TMEM132B: variants seen among roughly 807,000 people sequenced by gnomAD.
TMEM132B encodes the protein transmembrane protein 132B.
A neutral mutation model predicts 90.8 loss-of-function variants in TMEM132B; 18 were observed. The ratio of observed to expected loss-of-function variants is 0.20; its 90% CI spans 0.14 to 0.29. The LOEUF (loss-of-function observed/expected upper bound fraction) is 0.29, where lower values mean the gene tolerates loss of function less well. TMEM132B is among the 10% of genes least tolerant of loss of function. The probability of loss-of-function intolerance (pLI) is 1.00; values close to 1 mark genes in which losing one functional copy is unlikely to be tolerated. For missense variants in TMEM132B, 1,096 were observed against 1,326.8 expected, an observed-to-expected ratio of 0.83 and a Z score of 2.70; for synonymous variants, 504 against 523.3, an observed-to-expected ratio of 0.96 and a Z score of 0.50.
rs369526420 is a variant in TMEM132B, at chr12:125,471,053, G to A, written c.1107-48386G>A. On this transcript the variant is annotated intron_variant, in intron 3 of 8. Coordinates refer to ENST00000682704, the MANE Select transcript of TMEM132B (RefSeq NM_001366854.1). ...CCGGGAGCTGGCCGGCGCCCATGTG[G>A]GGCTGTGCCTCAGCAACTGTGTTGA... Among the ~76,000 whole-genome samples the A allele has an allele frequency of 3.1e-4, 47 of 152,372 alleles. No homozygotes were observed. In the East Asian group the frequency reaches 5.2e-3, roughly 17 times the overall value.
Position 125,520,239 on chromosome 12 carries a change from A to C in TMEM132B, c.1293+614A>C, listed in dbSNP as rs566597975. Among the ~76,000 whole-genome samples the C allele has an allele frequency of 1.4e-4, 21 of 152,310 alleles. No homozygotes were observed. The South Asian group carries it at 4.3e-3, about 32-fold the overall frequency. On this transcript the variant is annotated intron_variant, in intron 4 of 8. Transcript: ENST00000682704. ...ACATCTGAGATCAGGGTCATGGGTGAGATTCCAGAGCCTAAATTCCAGAGA... is the reference window on the plus strand; with the variant it reads ...ACATCTGAGATCAGGGTCATGGGTGCGATTCCAGAGCCTAAATTCCAGAGA...
chr12:125,486,999 G>A (rs188448827), intron 3 of TMEM132B, among the ~76,000 whole-genome samples: 23 of 152,218 alleles, frequency 1.5e-4, no homozygotes, highest in Non-Finnish European at 3.1e-4. Flanking sequence ...AATTTGTTCC[G>A]AAACCATAAG....
intron 7 of TMEM132B, among the ~76,000 whole-genome samples, chr12:125,651,399 T>C (rs1465618812): frequency 1.3e-5 from 2 of 152,200 alleles, no homozygotes; most frequent in Non-Finnish European, 2.9e-5. Flanking sequence ...AATATAATAA[T>C]CCGTAGCTAT....
intron 1 of TMEM132B, among the ~76,000 whole-genome samples, chr12:125,265,604 T>G (rs1874672869): frequency 6.6e-6 from 1 of 152,192 alleles, no homozygotes; most frequent in Non-Finnish European, 1.5e-5. Flanking sequence ...TGACAACTTT[T>G]GCGAACTGAA....
rs1442411892 is a variant in TMEM132B at position 125,407,363 on chromosome 12, A to G, written c.960-8168A>G. Among the ~76,000 whole-genome samples, 4 of 152,228 alleles carry G rather than the reference A, an allele frequency of 2.6e-5. No homozygotes were observed. Among genetic ancestry groups the G allele is most frequent in the Admixed American group, 2.0e-4 (3 of 15,282 alleles). ...AACCCAAAACCCTGTAGAGTGGAGTATTTAGTTCAAAAGTGGCTGGTCTAA... is the reference window on the plus strand; with the variant it reads ...AACCCAAAACCCTGTAGAGTGGAGTGTTTAGTTCAAAAGTGGCTGGTCTAA... On this transcript the variant is annotated intron_variant, in intron 2 of 8. Coordinates refer to ENST00000682704, the MANE Select transcript of TMEM132B (RefSeq NM_001366854.1). The surrounding 1 kb of genome is among the most constrained non-coding windows in gnomAD (Gnocchi z 6.7).
chr12:125,231,199 G>A (rs1873813000), intron 1 of TMEM132B, among the ~76,000 whole-genome samples: 1 of 150,410 alleles, frequency 6.6e-6, no homozygotes, highest in African/African-American at 2.5e-5. Flanking sequence ...TCTTCACGTG[G>A]CTGTCTTCCG....
chr12:125,411,926 A>C (rs141459444), intron 2 of TMEM132B, among the ~76,000 whole-genome samples: 2 of 152,108 alleles, frequency 1.3e-5, no homozygotes, highest in East Asian at 1.9e-4. Flanking sequence ...CTAATGGTCA[A>C]CTTGTCTCAA....
rs770722311 is a variant in TMEM132B at position 125,349,274 on chromosome 12, T to G, written c.68-178T>G. Among the ~76,000 whole-genome samples, 194 of 152,278 alleles carry G rather than the reference T, an allele frequency of 1.3e-3. No homozygotes were observed. Among genetic ancestry groups the G allele is most frequent in the Non-Finnish European group, 2.3e-3 (158 of 68,024 alleles). ...TCCTCCCCACTCTGTGCTGTCTTTT[T>G]GGGAAGATCCTGAAGACCATACTTT... On this transcript the variant is annotated intron_variant, in intron 1 of 8. Transcript: ENST00000682704. The surrounding 1 kb of genome is among the most constrained non-coding windows in gnomAD (Gnocchi z 4.1).
intron 1 of TMEM132B, among the ~76,000 whole-genome samples, chr12:125,252,187 A>G (rs1472638344): frequency 6.6e-6 from 1 of 152,246 alleles, no homozygotes; most frequent in Non-Finnish European, 1.5e-5. Context: ...AAAGAAGCTC[A>G]GGGCAGAATG....
At chr12:125,343,069 G>A (rs191377612) in intron 1 of TMEM132B, among the ~76,000 whole-genome samples, 111 of 152,270 alleles carry the variant, frequency 7.3e-4, no homozygotes, top group African/African-American at 2.6e-3. Context: ...AAGGGATACA[G>A]CTGGAGGTAG....
chr12:125,456,134 A>G (rs1188563418), intron 3 of TMEM132B, among the ~76,000 whole-genome samples: 1 of 152,150 alleles, frequency 6.6e-6, no homozygotes, highest in Non-Finnish European at 1.5e-5. Context: ...CACCCATCCA[A>G]TTCCCGCTGG....
At chr12:125,419,069 T>A (rs1488141254) in intron 3 of TMEM132B, among the ~76,000 whole-genome samples, 3 of 152,186 alleles carry the variant, frequency 2.0e-5, no homozygotes, top group Admixed American at 2.0e-4. Context: ...AAACCGCAAC[T>A]TTTTATGTGG....
chr12:125,563,600 A>AACAAACAAACAAAC (rs1555258803), intron 4 of TMEM132B, among the ~76,000 whole-genome samples: 2 of 126,150 alleles, frequency 1.6e-5, no homozygotes, highest in Non-Finnish European at 3.7e-5. Context: ...CAAACAAACA[A>AACAAACAAACAAAC]AAAAAAACCC....
At chr12:125,218,462 G>C (rs1873487617) in intron 1 of TMEM132B, among the ~76,000 whole-genome samples, 1 of 152,018 alleles carries the variant, frequency 6.6e-6, no homozygotes, top group Non-Finnish European at 1.5e-5. Flanking sequence ...TTTTGTATCT[G>C]GCTTCTAGAT....
chr12:125,562,693 A>G (rs555330329), intron 4 of TMEM132B, among the ~76,000 whole-genome samples: 29 of 152,206 alleles, frequency 1.9e-4, no homozygotes, highest in African/African-American at 7.0e-4. Context: ...TTGAATCACT[A>G]CCCCATACTA....
At position 125,654,413 on chromosome 12, in the gene TMEM132B, G is replaced by T. The variant is rs774894861; in HGVS notation, c.2955G>T (p.Glu985Asp). The T allele has an allele frequency of 1.9e-6, 3 of 1,613,442 alleles. No homozygotes were observed. The highest frequency in any genetic ancestry group is 1.7e-6 in the Non-Finnish European group (2 of 1,180,010). The part of the protein sequence containing the change: ...TMIDRGLQFE[E>D]RNFLLNGSSQ... ...TAGACAGGGGCCTGCAGTTCGAGGA[G>T]AGGAACTTCCTTCTGAATGGCAGTT... The change falls in exon 9 of 9, where the codon GAG becomes GAT. Residue 985 changes from glutamate (E) to aspartate (D), a missense_variant. Coordinates refer to ENST00000682704, the MANE Select transcript of TMEM132B (RefSeq NM_001366854.1). This position sits in a 1 kb window ranked among gnomAD's most constrained non-coding sequence, Gnocchi z 5.8.
At chr12:125,345,831 A>G (rs139026900) in intron 1 of TMEM132B, among the ~76,000 whole-genome samples, 110 of 152,298 alleles carry the variant, frequency 7.2e-4, no homozygotes, top group African/African-American at 2.5e-3. Flanking sequence ...GGAAATCGGC[A>G]GACTGAATAG....
intron 2 of TMEM132B, among the ~76,000 whole-genome samples, chr12:125,402,688 A>G (rs141772331): frequency 2.6e-5 from 4 of 152,330 alleles, no homozygotes; most frequent in African/African-American, 9.6e-5. Flanking sequence ...GCAGGGGTAG[A>G]TGCTGCTGTC....
chr12:125,519,510 C>G lies in TMEM132B; in HGVS notation c.1178C>G (p.Ala393Gly). The G allele has an allele frequency of 6.2e-7, 1 of 1,614,078 alleles. No individual in the cohort carries two copies. Among genetic ancestry groups the G allele is most frequent in the Non-Finnish European group, 8.5e-7 (1 of 1,179,996 alleles). ...GATAATAGCAGTGACCTGGCTGGGG[C>G]CCAGCAGATTACCTGGCAGGTGGAG... Reference protein sequence around the residue: ...GIDNSSDLAGAQQITWQVEYP... With the variant: ...GIDNSSDLAGGQQITWQVEYP... Residue 393 changes from alanine to glycine, a missense_variant, in exon 4 of 9, where the codon GCC (alanine) becomes GGC (glycine). Ala to Gly is a moderately conservative substitution (Grantham distance 60). Coordinates refer to ENST00000682704, the MANE Select transcript of TMEM132B (RefSeq NM_001366854.1).
Sources: allele counts gnomAD v4.1 joint callset (sites outside exome capture counted in the v4.1 genomes callset), GRCh38; gene constraint gnomAD v4.1.1; non-coding constraint Gnocchi (gnomAD v3.1); transcripts MANE v1.5; gene names NCBI Gene and HGNC (gene_info 2026-07-23, HGNC 2026-07-21).